The following CAPN2 variants were observed in gnomAD, a reference collection of about 807,000 sequenced individuals.
CAPN2 encodes the protein calpain-2 catalytic subunit.
In CAPN2, 92 loss-of-function variants were observed where a neutral mutation model predicts 102.3. The ratio of observed to expected loss-of-function variants is 0.90; its 90% CI spans 0.76 to 1.07. CAPN2 has a LOEUF of 1.07. Ranked by LOEUF, CAPN2 falls within the 50% of genes least tolerant of loss-of-function variation. The probability of loss-of-function intolerance (pLI) is 0.00; values close to 1 mark genes in which losing one functional copy is unlikely to be tolerated. For synonymous variants in CAPN2, 340 were observed against 355.4 expected (o/e 0.96, Z 0.49); for missense variants, 800 against 909.4 (o/e 0.88, Z 1.55).
intron 2 of CAPN2, among the ~76,000 whole-genome samples, chr1:223,737,915 C>T (rs1660508319): frequency 6.6e-6 from 1 of 152,122 alleles, no homozygotes; most frequent in Non-Finnish European, 1.5e-5. Context: ...AAGAATCTCA[C>T]TGTGCCCCCA....
In CAPN2 at chr1:223,756,910, T is replaced by C. The variant is rs1661049263; in HGVS notation, c.1306-459T>C. Among the ~76,000 whole-genome samples, 1 of 152,148 alleles carries C rather than the reference T, an allele frequency of 6.6e-6. No individual in the cohort carries two copies. The highest frequency in any genetic ancestry group is 6.5e-5 in the Admixed American group (1 of 15,276). The stretch of plus-strand genomic sequence containing the variant: ...GGACCTTGGGGATCACTGGGTCCTA[T>C]TTTTGAGACAAGAAAACTGAGGCCA... On this transcript the variant is annotated intron_variant, in intron 10 of 20. Coordinates refer to ENST00000295006, the MANE Select transcript of CAPN2 (RefSeq NM_001748.5). This position sits in a 1 kb window ranked among gnomAD's most constrained non-coding sequence, Gnocchi z 4.1.
intron 1 of CAPN2, among the ~76,000 whole-genome samples, chr1:223,713,838 GTTC>G (rs1659803470): frequency 6.6e-6 from 1 of 152,200 alleles, no homozygotes; most frequent in Non-Finnish European, 1.5e-5. Context: ...GAGCACTTGG[GTTC>G]TTCTTCTTGC....
At chr1:223,770,391 T>A (rs1244482596) in intron 17 of CAPN2, 56 bp from the exon 18 acceptor site, 11 of 1,243,218 alleles carry the variant, frequency 8.8e-6, no homozygotes, top group Middle Eastern at 1.9e-4. Flanking sequence ...ACTAGGGAGG[T>A]AACTTGCCAG....
chr1:223,735,776 C>T (rs1451370983), intron 2 of CAPN2, among the ~76,000 whole-genome samples: 1 of 111,824 alleles, frequency 8.9e-6, no homozygotes, highest in African/African-American at 2.9e-5. Flanking sequence ...CTACTTGGGA[C>T]GTTTCTTTTC....
At chr1:223,701,812 A>C (rs1353815357) in exon 1 of CAPN2, 1 of 152,510 alleles carries the variant, frequency 6.6e-6, no homozygotes, top group Non-Finnish European at 1.5e-5. Flanking sequence ...CAGGAGTTCA[A>C]GACCAGCCTG....
chr1:223,746,939 A>G (rs1469906886), intron 4 of CAPN2, 58 bp from the exon 5 acceptor site: 14 of 1,491,114 alleles, frequency 9.4e-6, no homozygotes, highest in Non-Finnish European at 1.1e-5. Flanking sequence ...TGGCTGTTTG[A>G]GAGATTATAG....
chr1:223,712,526 C>T, upstream of CAPN2: 1 of 1,227,776 alleles, frequency 8.1e-7, no homozygotes, highest in East Asian at 3.5e-5. Context: ...TCGCTCGCAG[C>T]GGCGGCGCCC....
rs28370127 is a variant in CAPN2, at chr1:223,761,612, G to C, written c.1561G>C (p.Glu521Gln). ...CGATGATGAAATCGAGGCCAATCTT[G>C]AAGAGGTATTTGTAACTCTTTGAAT... ...AVDDEIEANL[E>Q]EFDISEDDID... Residue 521 changes from glutamate (E) to glutamine (Q), a missense_variant, in exon 13 of 21, where the codon GAA becomes CAA. Transcript: ENST00000295006. 8.2e-3 allele frequency: 13,261 copies of C among 1,611,748 alleles called. 77 individuals carry two copies. Among genetic ancestry groups the C allele is most frequent in the Non-Finnish European group, 0.01 (11,782 of 1,178,078 alleles).
chr1:223,747,829 T>C (rs1660784750), intron 5 of CAPN2, among the ~76,000 whole-genome samples: 1 of 152,268 alleles, frequency 6.6e-6, no homozygotes, highest in East Asian at 1.9e-4. Context: ...CAGTTTAGCA[T>C]TTCAAAGTGC....
chr1:223,753,495 C>T (rs1429586191), intron 9 of CAPN2, among the ~76,000 whole-genome samples: 1 of 152,250 alleles, frequency 6.6e-6, no homozygotes, highest in Non-Finnish European at 1.5e-5. Flanking sequence ...TTGTTGAGCC[C>T]CTTGATTCTT....
upstream of CAPN2, among the ~76,000 whole-genome samples, chr1:223,709,675 A>G (rs1304215262): frequency 2.0e-5 from 3 of 151,854 alleles, no homozygotes; most frequent in Non-Finnish European, 4.4e-5. Context: ...AAAAAAAAAG[A>G]GTCCATTTAA....
chr1:223,716,435 C>T (rs1002753215), intron 1 of CAPN2, among the ~76,000 whole-genome samples: 5 of 152,126 alleles, frequency 3.3e-5, no homozygotes, highest in African/African-American at 9.7e-5. Context: ...TTTGCCTCAG[C>T]AGAAGAGCAT....
intron 11 of CAPN2, chr1:223,757,621 C>A: frequency 1.8e-6 from 1 of 563,750 alleles, no homozygotes; most frequent in Non-Finnish European, 3.2e-6. Flanking sequence ...CCTGGCAGAG[C>A]CCATACAGGG....
intron 10 of CAPN2, among the ~76,000 whole-genome samples, 191 bp from the exon 11 acceptor site, chr1:223,757,178 C>T (rs1180431904): frequency 6.6e-6 from 1 of 152,206 alleles, no homozygotes; most frequent in African/African-American, 2.4e-5. Flanking sequence ...GAGGTGAGGG[C>T]TTATCAACAT....
chr1:223,715,334 A>T (rs962657963), intron 1 of CAPN2, among the ~76,000 whole-genome samples: 1 of 152,186 alleles, frequency 6.6e-6, no homozygotes, highest in South Asian at 2.1e-4. Flanking sequence ...AGGAGAACTG[A>T]TAGGTAGAGT....
intron 2 of CAPN2, among the ~76,000 whole-genome samples, chr1:223,722,281 C>CTTTTTTTTTTTTTTTTTTTTTTTTTT (rs34894876): frequency 4.7e-5 from 4 of 85,510 alleles, no homozygotes; most frequent in Non-Finnish European, 6.7e-5. Context: ...TTCTTTCTTT[C>CTTTTTTTTTTTTTTTTTTTTTTTTTT]TTTTTTTTTT....
At chr1:223,712,029 G>A (rs914001788), upstream of CAPN2, among the ~76,000 whole-genome samples, 1 of 152,220 alleles carries the variant, frequency 6.6e-6, no homozygotes, top group South Asian at 2.1e-4. Flanking sequence ...GTGCCACATT[G>A]GGGACGTCAT....
intron 9 of CAPN2, 111 bp downstream of exon 9, chr1:223,753,067 C>A: frequency 1.1e-6 from 1 of 924,268 alleles, no homozygotes. Context: ...CAGGAGGCAG[C>A]TCCTGCTCAC....
upstream of CAPN2, among the ~76,000 whole-genome samples, chr1:223,709,410 C>T (rs1392411665): frequency 1.3e-5 from 2 of 152,096 alleles, no homozygotes; most frequent in African/African-American, 4.8e-5. Context: ...CCTGTAATCC[C>T]AGCACTTTGG....
Sources: gnomAD v4.1 joint callset for allele counts (sites outside exome capture counted in the v4.1 genomes callset) on GRCh38, gnomAD v4.1.1 for gene constraint, Gnocchi (gnomAD v3.1) non-coding constraint, MANE v1.5 for transcripts, NCBI Gene and HGNC (gene_info 2026-07-23, HGNC 2026-07-21) for gene names.